The following NDST4 variants were observed in gnomAD, a reference collection of about 807,000 sequenced individuals.
NDST4 encodes N-deacetylase and N-sulfotransferase 4.
In NDST4, 63 loss-of-function variants were observed where a neutral mutation model predicts 100.8. The observed-to-expected ratio is 0.62, with a 90% CI of 0.51 to 0.77. The LOEUF (loss-of-function observed/expected upper bound fraction) is 0.77, where lower values mean the gene tolerates loss of function less well. Among genes scored for constraint, NDST4 ranks in the 30% least tolerant of loss-of-function variants. The probability of loss-of-function intolerance (pLI) is 0.00; values close to 1 mark genes in which losing one functional copy is unlikely to be tolerated. For missense variants in NDST4, 943 were observed against 1,018.4 expected (o/e 0.93, Z 1.01); for synonymous variants, 377 against 361.8 (o/e 1.04, Z -0.48).
intron 2 of NDST4, among the ~76,000 whole-genome samples, chr4:115,066,495 A>G (rs28369395): frequency 6.6e-6 from 1 of 152,138 alleles, no homozygotes; most frequent in Non-Finnish European, 1.5e-5. Flanking sequence ...TCCTCTTGCA[A>G]GTAAGTTTGA....
At chr4:114,937,173 A>G in intron 5 of NDST4, 145 bp downstream of exon 5, 1 of 858,342 alleles carries the variant, frequency 1.2e-6, no homozygotes, top group Non-Finnish European at 1.8e-6. Flanking sequence ...TTAATGCATA[A>G]CCAGTCACCA....
intron 1 of NDST4, among the ~76,000 whole-genome samples, chr4:115,090,998 T>A (rs1473802543): frequency 3.9e-5 from 6 of 152,136 alleles, no homozygotes; most frequent in African/African-American, 1.4e-4. Context: ...TCAATATACA[T>A]CTTTTTGTTA....
chr4:114,946,891 GCTA>G (rs1254649688), intron 4 of NDST4, among the ~76,000 whole-genome samples: 7 of 151,836 alleles, frequency 4.6e-5, no homozygotes, highest in Admixed American at 3.9e-4. Flanking sequence ...TAAAATCGTG[GCTA>G]CTATTTTATT....
At chr4:115,058,144 A>G (rs1728743032) in intron 2 of NDST4, among the ~76,000 whole-genome samples, 1 of 152,156 alleles carries the variant, frequency 6.6e-6, no homozygotes, top group Non-Finnish European at 1.5e-5. Flanking sequence ...TGTGGAGCTC[A>G]CAAAGGCAAT....
At chr4:115,042,240 T>A (rs944161290) in intron 2 of NDST4, among the ~76,000 whole-genome samples, 1 of 152,166 alleles carries the variant, frequency 6.6e-6, no homozygotes, top group Admixed American at 6.6e-5. Context: ...CTTTGTCCAG[T>A]GTATCTATGC....
chr4:114,947,923 G>T (rs963346100), intron 4 of NDST4, among the ~76,000 whole-genome samples: 1 of 152,038 alleles, frequency 6.6e-6, no homozygotes, highest in Non-Finnish European at 1.5e-5. Context: ...GCCTGTGTAT[G>T]TGAAGAAGAC....
chr4:114,917,968 T>TA (rs1560811603), intron 6 of NDST4, among the ~76,000 whole-genome samples: 1 of 152,156 alleles, frequency 6.6e-6, no homozygotes, highest in South Asian at 2.1e-4. Flanking sequence ...TTTATTACAT[T>TA]AAAAATAATC....
chr4:115,080,432 C>T (rs755224012), intron 1 of NDST4, among the ~76,000 whole-genome samples: 7 of 152,198 alleles, frequency 4.6e-5, no homozygotes, highest in Non-Finnish European at 8.8e-5. Context: ...TGACTACGCC[C>T]AGCCAAATGA....
Position 115,021,265 on chromosome 4 carries a change from AT to A in NDST4, c.979-43992del, listed in dbSNP as rs1253896288. Among the ~76,000 whole-genome samples the A allele has an allele frequency of 2.0e-5, 3 of 151,520 alleles. No individual in the cohort carries two copies. In the East Asian group the frequency reaches 5.8e-4, roughly 29 times the overall value. ...CCACATATATATATTCCACATATAT[AT>A]ATTCCACATGTGTATTCCACATATA... On this transcript the variant is annotated intron_variant, in intron 2 of 13. Transcript: ENST00000264363.
intron 2 of NDST4, among the ~76,000 whole-genome samples, chr4:115,025,569 C>T (rs982046810): frequency 6.6e-6 from 1 of 152,046 alleles, no homozygotes; most frequent in Non-Finnish European, 1.5e-5. Context: ...TCTAACTCTG[C>T]TATTTGTTCT....
chr4:115,021,736 A>G (rs1331303213), intron 2 of NDST4, among the ~76,000 whole-genome samples: 1 of 148,208 alleles, frequency 6.7e-6, no homozygotes, highest in African/African-American at 2.6e-5. Context: ...TTCCACATCT[A>G]TACACATTCC....
At chr4:114,871,225 C>T (rs551798559) in intron 6 of NDST4, among the ~76,000 whole-genome samples, 1 of 152,184 alleles carries the variant, frequency 6.6e-6, no homozygotes, top group African/African-American at 2.4e-5. Flanking sequence ...GGAGCCAATA[C>T]CATCAAACTT....
In NDST4 at chr4:115,076,815, G is replaced by A; in HGVS notation, c.222C>T (p.Ser74=). The change falls in exon 2 of 14, where the codon TCC becomes TCT. Residue 74 remains serine, a synonymous_variant. Coordinates refer to ENST00000264363, the MANE Select transcript of NDST4 (RefSeq NM_022569.3). ...ELKTVKPIDT[S]KTDPTVLLFV... ...AGAGAAGGACAGTAGGGTCCGTTTTGGATGTGTCAATAGGTTTAACTGTTT... is the reference window on the plus strand; with the variant it reads ...AGAGAAGGACAGTAGGGTCCGTTTTAGATGTGTCAATAGGTTTAACTGTTT... The A allele has an allele frequency of 1.9e-6, 3 of 1,613,890 alleles. No individual in the cohort carries two copies. The highest frequency in any genetic ancestry group is 2.5e-6 in the Non-Finnish European group (3 of 1,179,916).
intron 6 of NDST4, among the ~76,000 whole-genome samples, chr4:114,903,434 T>G (rs1724887812): frequency 6.6e-6 from 1 of 152,072 alleles, no homozygotes; most frequent in Non-Finnish European, 1.5e-5. Flanking sequence ...CCCTGGAGTT[T>G]CTGAATTTCA....
chr4:115,079,640 T>G (rs1729260932), intron 1 of NDST4, among the ~76,000 whole-genome samples: 1 of 152,164 alleles, frequency 6.6e-6, no homozygotes, highest in African/African-American at 2.4e-5. Flanking sequence ...TCAGACATAT[T>G]ACATCAGAGA....
chr4:115,056,876 A>T (rs1217000374), intron 2 of NDST4, among the ~76,000 whole-genome samples: 2 of 140,128 alleles, frequency 1.4e-5, no homozygotes, highest in African/African-American at 5.0e-5. Flanking sequence ...GATTACGGTC[A>T]GAGATCAATT....
intron 2 of NDST4, among the ~76,000 whole-genome samples, chr4:115,015,892 C>A (rs909997189): frequency 2.6e-5 from 4 of 152,024 alleles, no homozygotes; most frequent in Admixed American, 1.3e-4. Flanking sequence ...GATATGGTAT[C>A]ATTCCCTAAG....
intron 7 of NDST4, among the ~76,000 whole-genome samples, chr4:114,854,482 T>C (rs1337406068): frequency 1.3e-5 from 2 of 152,204 alleles, no homozygotes; most frequent in Admixed American, 1.3e-4. Flanking sequence ...CTTTCTTTTT[T>C]TTTGAGACAG....
At chr4:114,856,719 A>T (rs933460762) in intron 7 of NDST4, among the ~76,000 whole-genome samples, 1 of 152,148 alleles carries the variant, frequency 6.6e-6, no homozygotes, top group African/African-American at 2.4e-5. Flanking sequence ...CTGGCTCACT[A>T]TATTGTTGAC....
Sources: allele counts gnomAD v4.1 joint callset (sites outside exome capture counted in the v4.1 genomes callset), GRCh38; gene constraint gnomAD v4.1.1; transcripts MANE v1.5; gene names NCBI Gene and HGNC (gene_info 2026-07-23, HGNC 2026-07-21).